Variants in D2HGDH observed in about 807,000 individuals in gnomAD.
D2HGDH encodes the protein D-2-hydroxyglutarate dehydrogenase.
In D2HGDH, 31 loss-of-function variants were observed where a neutral mutation model predicts 46.9. The observed-to-expected ratio is 0.66, with a 90% CI of 0.50 to 0.89. D2HGDH has a LOEUF of 0.89. Ranked by LOEUF, D2HGDH falls within the 40% of genes least tolerant of loss-of-function variation. The probability of loss-of-function intolerance (pLI) is 0.00; values close to 1 mark genes in which losing one functional copy is unlikely to be tolerated. For synonymous variants in D2HGDH, 364 were observed against 332.6 expected, an observed-to-expected ratio of 1.09 and a Z score of -1.03; for missense variants, 698 against 720.8, an observed-to-expected ratio of 0.97 and a Z score of 0.36.
rs544189371 is a variant in D2HGDH, at chr2:241,749,451, G to T, written c.854-700G>T. 31 of 1,131,902 alleles carry T rather than the reference G, an allele frequency of 2.7e-5. No individual in the cohort carries two copies. In the African/African-American group the frequency reaches 4.5e-4, roughly 17 times the overall value. The allele number at this position is 1,131,902 out of a possible 1,614,324, so 70.1% of individuals were successfully genotyped here. On this transcript the variant is annotated intron_variant, in intron 6 of 9. Coordinates refer to ENST00000321264, the MANE Select transcript of D2HGDH (RefSeq NM_152783.5). ...GCGTCTCTGGGGCTGCCCGCCTGCAGACATCTCCACTCAGTTCCTTTCCAT... is the reference window on the plus strand; with the variant it reads ...GCGTCTCTGGGGCTGCCCGCCTGCATACATCTCCACTCAGTTCCTTTCCAT...
intron 2 of D2HGDH, 105 bp downstream of exon 2, chr2:241,735,621 GC>G (rs1692562392): frequency 1.4e-6 from 2 of 1,480,054 alleles, no homozygotes; most frequent in Non-Finnish European, 1.8e-6. Context: ...GGGGGTGCCA[GC>G]CCCTGGCTGC....
At chr2:241,747,481 C>T (rs867682332) in intron 6 of D2HGDH, among the ~76,000 whole-genome samples, 6 of 151,648 alleles carry the variant, frequency 4.0e-5, no homozygotes, top group African/African-American at 1.5e-4. Flanking sequence ...CTGTGAAACT[C>T]CCAGGTAGCA....
chr2:241,760,971 C>T (rs543048558), intron 9 of D2HGDH, among the ~76,000 whole-genome samples: 8 of 152,302 alleles, frequency 5.3e-5, no homozygotes, highest in East Asian at 1.9e-4. Flanking sequence ...CACTCTTGCT[C>T]GCACTGTCTG....
intron 8 of D2HGDH, 114 bp downstream of exon 8, chr2:241,751,502 A>G: frequency 6.7e-7 from 1 of 1,485,826 alleles, no homozygotes; most frequent in African/African-American, 1.4e-5. Context: ...TGTGGCTGAA[A>G]TGTGACTGGG....
chr2:241,754,902 C>G lies in D2HGDH; in HGVS notation c.1141-947C>G. Reference sequence around the variant, plus strand: ...ACAGGCGTGAGCCACTGCGCCCGGCCAAGTGTTTCTCTTAGAATTTCCTGA... The same window carrying G: ...ACAGGCGTGAGCCACTGCGCCCGGCGAAGTGTTTCTCTTAGAATTTCCTGA... On this transcript the variant is annotated intron_variant, in intron 8 of 9. Transcript: ENST00000321264. 3.5e-6 allele frequency: 3 copies of G among 867,160 alleles called. No individual in the cohort carries two copies. The South Asian group carries it at 5.2e-5, about 15-fold the overall frequency. 53.7% of individuals were successfully genotyped at this position (867,160 alleles called of 1,614,324 possible).
chr2:241,750,433 T>C lies in D2HGDH; in HGVS notation c.997+139T>C, dbSNP rs1696972773. The C allele has an allele frequency of 8.4e-6, 9 of 1,068,138 alleles. No homozygotes were observed. In the Admixed American group the frequency reaches 1.9e-4, roughly 22 times the overall value. The allele number at this position is 1,068,138 out of a possible 1,614,324, so 66.2% of individuals were successfully genotyped here. On this transcript the variant is annotated intron_variant, in intron 7 of 9. Transcript: ENST00000321264. The stretch of plus-strand genomic sequence containing the variant: ...GGGGGTCCCTGGGCGGAGCATGGAG[T>C]GGCCGTTGGGCTCATGTGTAAGAAA...
chr2:241,751,787 T>A (rs1290318096), intron 8 of D2HGDH, among the ~76,000 whole-genome samples: 1 of 152,058 alleles, frequency 6.6e-6, no homozygotes, highest in African/African-American at 2.4e-5. Context: ...TCGGGAGTCC[T>A]AGGATGGGCA....
At chr2:241,750,354 C>A in intron 7 of D2HGDH, 60 bp downstream of exon 7, 1 of 1,338,266 alleles carries the variant, frequency 7.5e-7, no homozygotes, top group Non-Finnish European at 9.9e-7. Flanking sequence ...CGTCTGGACA[C>A]ATGGGACGGC....
At position 241,738,001 on chromosome 2, in the gene D2HGDH, G is replaced by A. The variant is rs144877649; in HGVS notation, c.292+2485G>A. On this transcript the variant is annotated intron_variant, in intron 2 of 9. Coordinates refer to ENST00000321264, the MANE Select transcript of D2HGDH (RefSeq NM_152783.5). ...AGACCGTGTAATCTGGGAGTGCAGCGTATGTTAAAACAGTTCAGAAAGTTA... is the reference window on the plus strand; with the variant it reads ...AGACCGTGTAATCTGGGAGTGCAGCATATGTTAAAACAGTTCAGAAAGTTA... 4.5e-3 allele frequency among the ~76,000 whole-genome samples: 679 copies of A among 152,276 alleles called. 5 individuals carry two copies. Among genetic ancestry groups the A allele is most frequent in the Admixed American group, 0.01 (158 of 15,300 alleles).
rs893592105 is a variant in D2HGDH at position 241,743,308 on chromosome 2, G to A, written c.491-314G>A. On this transcript the variant is annotated intron_variant, in intron 4 of 9. Transcript: ENST00000321264. This position sits in a 1 kb window ranked among gnomAD's most constrained non-coding sequence, Gnocchi z 4.8. Reference sequence around the variant, plus strand: ...CCCAGGCATTGTCCCACATGCCCAGGGCAGGATCAGCCCCAGCTGAGAATC... The same window carrying A: ...CCCAGGCATTGTCCCACATGCCCAGAGCAGGATCAGCCCCAGCTGAGAATC... Among the ~76,000 whole-genome samples the A allele has an allele frequency of 6.6e-6, 1 of 152,244 alleles. No individual in the cohort carries two copies. Among genetic ancestry groups the A allele is most frequent in the African/African-American group, 2.4e-5 (1 of 41,452 alleles).
intron 9 of D2HGDH, among the ~76,000 whole-genome samples, 187 bp downstream of exon 9, chr2:241,756,201 C>T (rs1026469834): frequency 3.3e-5 from 5 of 152,220 alleles, no homozygotes; most frequent in Non-Finnish European, 7.3e-5. Flanking sequence ...TGTCATGACT[C>T]GTTTTGAGTA....
At chr2:241,740,208 T>C (rs1404556363) in intron 2 of D2HGDH, among the ~76,000 whole-genome samples, 2 of 152,206 alleles carry the variant, frequency 1.3e-5, no homozygotes, top group Non-Finnish European at 2.9e-5. Context: ...TTGGCAACCA[T>C]CCTAGTAACT....
rs770892091 is a variant in D2HGDH at position 241,742,466 on chromosome 2, C to G, written c.382C>G (p.Pro128Ala). 3 of 1,613,656 alleles carry G rather than the reference C, an allele frequency of 1.9e-6. No individual in the cohort carries two copies. Among genetic ancestry groups the G allele is most frequent in the East Asian group, 2.2e-5 (1 of 44,898 alleles). Residue 128 changes from proline to alanine, a missense_variant, in exon 4 of 10, where the codon CCA becomes GCA. By Grantham distance (27) the Pro-to-Ala change is conservative (BLOSUM62 -1). Coordinates refer to ENST00000321264, the MANE Select transcript of D2HGDH (RefSeq NM_152783.5). This position sits in a 1 kb window ranked among gnomAD's most constrained non-coding sequence, Gnocchi z 4.8. Reference sequence around the variant, plus strand: ...CCACGAGAGGAACCTGGCCGTGAACCCACAGGGGGGCAACACAGGCATGGT... The same window carrying G: ...CCACGAGAGGAACCTGGCCGTGAACGCACAGGGGGGCAACACAGGCATGGT... ...HCHERNLAVNPQGGNTGMVGG... is the reference protein window; with the variant it reads ...HCHERNLAVNAQGGNTGMVGG...
rs746481113 is a variant in D2HGDH at position 241,768,001 on chromosome 2, G to A, written c.*32G>A. 6.4e-7 allele frequency: 1 copy of A among 1,556,666 alleles called. No homozygotes were observed. Among genetic ancestry groups the A allele is most frequent in the African/African-American group, 1.4e-5 (1 of 73,952 alleles). On this transcript the variant is annotated 3_prime_UTR_variant, in exon 10 of 10. Coordinates refer to ENST00000321264, the MANE Select transcript of D2HGDH (RefSeq NM_152783.5). ...CTCCTGCTGCTGCCAAGGCCCACTG[G>A]GGGTCGGCGGGTGGCTCTCGGGCGG...
Position 241,744,097 on chromosome 2 carries a change from T to C in D2HGDH, c.684+282T>C, listed in dbSNP as rs552741810. On this transcript the variant is annotated intron_variant, in intron 5 of 9. Transcript: ENST00000321264. ...GGACACCGCCCCGGCAGTGGTGGGC[T>C]TCTGGGAGCCGGGTGTGAAGGAAGG... Among the ~76,000 whole-genome samples, 22 of 152,280 alleles carry C rather than the reference T, an allele frequency of 1.4e-4. No individual in the cohort carries two copies. The East Asian group carries it at 4.3e-3, about 30-fold the overall frequency.
At chr2:241,735,696 GAAC>G (rs1033301482) in intron 2 of D2HGDH, among the ~76,000 whole-genome samples, 180 bp downstream of exon 2, 3 of 152,254 alleles carry the variant, frequency 2.0e-5, no homozygotes, top group African/African-American at 7.2e-5. Context: ...GAGTCGCTTA[GAAC>G]AACCCAAGTT....
At position 241,767,773 on chromosome 2, in the gene D2HGDH, T is replaced by C. The variant is rs1575352566; in HGVS notation, c.1370T>C (p.Leu457Pro). Residue 457 changes from leucine (L) to proline (P), a missense_variant, in exon 10 of 10, where the codon CTG becomes CCG. Leu to Pro is a moderately conservative substitution (Grantham distance 98, BLOSUM62 -3). Transcript: ENST00000321264. Reference protein sequence around the residue: ...EAFSPSLLAALEPHVYEWTAG... With the variant: ...EAFSPSLLAAPEPHVYEWTAG... ...TTCAGCCCCTCGCTCCTGGCTGCCCTGGAGCCCCACGTGTACGAGTGGACG... is the reference window on the plus strand; with the variant it reads ...TTCAGCCCCTCGCTCCTGGCTGCCCCGGAGCCCCACGTGTACGAGTGGACG... 6.2e-7 allele frequency: 1 copy of C among 1,612,474 alleles called. No individual in the cohort carries two copies. Among genetic ancestry groups the C allele is most frequent in the Non-Finnish European group, 8.5e-7 (1 of 1,179,578 alleles).
intron 9 of D2HGDH, 53 bp downstream of exon 9, chr2:241,756,067 C>T (rs1002454947): frequency 1.2e-5 from 18 of 1,545,808 alleles, no homozygotes; most frequent in East Asian, 9.1e-5. Flanking sequence ...GTGGGCCCCA[C>T]GGTCACCGTC....
At position 241,735,343 on chromosome 2, in the gene D2HGDH, CG is replaced by C; in HGVS notation, c.123del (p.Thr42ProfsTer6). On this transcript the variant is annotated frameshift_variant, in exon 2 of 10. Coordinates refer to ENST00000321264, the MANE Select transcript of D2HGDH (RefSeq NM_152783.5). LOFTEE classifies it high-confidence loss of function. ...PLARRGCCSA[P>X]GTPEVPLTRE... Reference sequence around the variant, plus strand: ...GCCCGCAGAGGCTGCTGCTCCGCCCCGGGGACCCCCGAGGTGCCGCTGACCC... The same window carrying C: ...GCCCGCAGAGGCTGCTGCTCCGCCCCGGGACCCCCGAGGTGCCGCTGACCC... The C allele has an allele frequency of 6.4e-7, 1 of 1,553,828 alleles. No homozygotes were observed.
Sources: gnomAD v4.1 joint callset for allele counts (sites outside exome capture counted in the v4.1 genomes callset) on GRCh38, gnomAD v4.1.1 for gene constraint, Gnocchi (gnomAD v3.1) non-coding constraint, MANE v1.5 for transcripts, NCBI Gene and HGNC (gene_info 2026-07-23, HGNC 2026-07-21) for gene names.